The following CDH18 variants were observed in gnomAD, a reference collection of about 807,000 sequenced individuals.
CDH18 encodes cadherin-18.
Under a neutral mutation model 67.9 loss-of-function variants are expected in CDH18, and 31 were observed. The ratio of observed to expected loss-of-function variants is 0.46; its 90% CI spans 0.34 to 0.62. The LOEUF (loss-of-function observed/expected upper bound fraction) is 0.62. CDH18 is among the 20% of genes least tolerant of loss of function. The pLI is 0.01. For synonymous variants in CDH18, 362 were observed against 347.2 expected (o/e 1.04, Z -0.48); for missense variants, 890 against 975.5 (o/e 0.91, Z 1.17).
At chr5:19,759,357 G>A (rs112259661) in intron 3 of CDH18, among the ~76,000 whole-genome samples, 25 of 152,218 alleles carry the variant, frequency 1.6e-4, no homozygotes, top group African/African-American at 5.5e-4. Flanking sequence ...TATTTTCTTC[G>A]ATTTACTATT....
intron 3 of CDH18, among the ~76,000 whole-genome samples, chr5:19,816,455 C>T (rs1779293675): frequency 6.6e-6 from 1 of 151,858 alleles, no homozygotes; most frequent in Non-Finnish European, 1.5e-5. Context: ...AGCAGCTTTG[C>T]TTTAGCAAAA....
At chr5:20,226,650 C>T (rs1359941193) in intron 2 of CDH18, among the ~76,000 whole-genome samples, 2 of 151,952 alleles carry the variant, frequency 1.3e-5, no homozygotes, top group Non-Finnish European at 2.9e-5. Flanking sequence ...TGATATGCCA[C>T]AAAACTAACA....
chr5:19,576,381 TCAAA>T (rs1378167251), intron 7 of CDH18, among the ~76,000 whole-genome samples: 1 of 146,320 alleles, frequency 6.8e-6, no homozygotes, highest in Non-Finnish European at 1.5e-5. Context: ...ATGAAGGAAC[TCAAA>T]CTACTCAAAA....
intron 11 of CDH18, among the ~76,000 whole-genome samples, chr5:19,501,174 A>T (rs904575340): frequency 2.1e-4 from 31 of 148,164 alleles, no homozygotes; most frequent in African/African-American, 6.4e-4. Context: ...CATATATATA[A>T]AAATATATAT....
intron 1 of CDH18, chr5:20,305,937 CTATTT>C (rs1278921097): frequency 5.4e-5 from 9 of 165,328 alleles, no homozygotes; most frequent in African/African-American, 2.2e-4. Flanking sequence ...ATTTACATTT[CTATTT>C]TATTATATGC....
chr5:19,631,419 T>C (rs1301703567), intron 5 of CDH18, among the ~76,000 whole-genome samples: 1 of 152,150 alleles, frequency 6.6e-6, no homozygotes, highest in African/African-American at 2.4e-5. Context: ...ACTGTAGCAA[T>C]GTATTTACTT....
At chr5:19,962,394 A>AG (rs1797007339) in intron 2 of CDH18, among the ~76,000 whole-genome samples, 1 of 147,736 alleles carries the variant, frequency 6.8e-6, no homozygotes, top group Non-Finnish European at 1.5e-5. Context: ...AAAAAAAAAA[A>AG]AAGAAAATTC....
At chr5:20,218,056 A>G (rs1740917444) in intron 2 of CDH18, among the ~76,000 whole-genome samples, 1 of 151,944 alleles carries the variant, frequency 6.6e-6, no homozygotes, top group Admixed American at 6.6e-5. Flanking sequence ...ATAAACCCCA[A>G]TACGATAATA....
chr5:20,164,806 A>G (rs1004972487), intron 2 of CDH18, among the ~76,000 whole-genome samples: 6 of 152,196 alleles, frequency 3.9e-5, no homozygotes, highest in African/African-American at 1.4e-4. Flanking sequence ...ACCTATTTAC[A>G]TTAAAGACTT....
At chr5:19,545,446 C>T (rs946045273) in intron 8 of CDH18, among the ~76,000 whole-genome samples, 1 of 152,044 alleles carries the variant, frequency 6.6e-6, no homozygotes, top group Non-Finnish European at 1.5e-5. Flanking sequence ...TTTATTAATG[C>T]TCTGAAAAAT....
At chr5:20,071,948 C>A (rs1211079232) in intron 2 of CDH18, among the ~76,000 whole-genome samples, 3 of 152,062 alleles carry the variant, frequency 2.0e-5, no homozygotes, top group African/African-American at 7.2e-5. Context: ...ACTTGGAGAC[C>A]TACACCTTTG....
intron 1 of CDH18, among the ~76,000 whole-genome samples, chr5:20,519,246 T>G (rs1318724406): frequency 1.3e-5 from 2 of 152,102 alleles, no homozygotes; most frequent in African/African-American, 4.8e-5. Context: ...ATAGACTGGA[T>G]TAAGAAAATG....
chr5:19,947,463 G>A (rs898775784), intron 2 of CDH18, among the ~76,000 whole-genome samples: 3 of 151,730 alleles, frequency 2.0e-5, no homozygotes, highest in Non-Finnish European at 4.4e-5. Context: ...AATACAGGCC[G>A]AGAGTGGTGG....
chr5:19,584,793 C>CAAAAAAAAAAAAAAAAAAAA (rs61297842), intron 7 of CDH18, among the ~76,000 whole-genome samples: 2 of 75,086 alleles, frequency 2.7e-5, no homozygotes, highest in African/African-American at 5.4e-5. Flanking sequence ...ACTAAAAATA[C>CAAAAAAAAAAAAAAAAAAAA]AAAAAAAAAA....
chr5:20,306,775 G>A (rs1357165994), intron 1 of CDH18, among the ~76,000 whole-genome samples: 1 of 151,924 alleles, frequency 6.6e-6, no homozygotes, highest in Non-Finnish European at 1.5e-5. Context: ...TCCCTATATG[G>A]AAAACACAAA....
intron 1 of CDH18, among the ~76,000 whole-genome samples, chr5:20,521,900 C>T (rs1384367917): frequency 3.3e-5 from 5 of 152,058 alleles, no homozygotes; most frequent in African/African-American, 9.7e-5. Context: ...AAAAAACCCT[C>T]TTCGAATATT....
At chr5:19,950,946 TCTC>T (rs1275196195) in intron 2 of CDH18, among the ~76,000 whole-genome samples, 1 of 152,152 alleles carries the variant, frequency 6.6e-6, no homozygotes, top group Non-Finnish European at 1.5e-5. Context: ...ACAGGATACT[TCTC>T]CTTCACTTAG....
At chr5:20,032,209 T>C (rs1739462321) in intron 2 of CDH18, among the ~76,000 whole-genome samples, 1 of 151,456 alleles carries the variant, frequency 6.6e-6, no homozygotes, top group Admixed American at 6.6e-5. Context: ...CATGTGTATG[T>C]GTATTATATA....
chr5:19,570,742 A>T (rs908294216), intron 8 of CDH18, among the ~76,000 whole-genome samples: 2 of 152,162 alleles, frequency 1.3e-5, no homozygotes, highest in Non-Finnish European at 2.9e-5. Context: ...TGATAATGCA[A>T]AAAAGCTTTG....
Sources: gnomAD v4.1 joint callset for allele counts (sites outside exome capture counted in the v4.1 genomes callset) on GRCh38, gnomAD v4.1.1 for gene constraint, MANE v1.5 for transcripts, NCBI Gene and HGNC (gene_info 2026-07-23, HGNC 2026-07-21) for gene names.